Variants in FAAH2 observed in about 807,000 individuals in gnomAD.
The protein encoded by FAAH2 is fatty acid amide hydrolase 2.
A neutral mutation model predicts 36.9 loss-of-function variants in FAAH2; 60 were observed. The observed-to-expected ratio is 1.63, with a 90% CI of 1.32 to 2.02. FAAH2 has a LOEUF of 2.02. FAAH2 is among the 30% of genes most tolerant of loss of function. The pLI, the probability that FAAH2 is intolerant of heterozygous loss-of-function variation, is 0.00. For synonymous variants in FAAH2, 214 were observed against 143.8 expected, an observed-to-expected ratio of 1.49 and a Z score of -3.49; for missense variants, 689 against 397.5, an observed-to-expected ratio of 1.73 and a Z score of -6.23.
chrX:57,307,185 A>G (rs111933911), intron 2 of FAAH2, among the ~76,000 whole-genome samples: 2,971 of 104,186 alleles, frequency 0.029, 95 homozygotes, highest in African/African-American at 0.097. Flanking sequence ...TCATCTTTCT[A>G]TTCTCTCTGT....
At chrX:57,202,470 T>A in the FAAH2 span, among the ~76,000 whole-genome samples, 1 of 111,766 alleles carries the variant, frequency 8.9e-6, no homozygotes, top group Admixed American at 9.5e-5. Flanking sequence ...TCTCTTTCTT[T>A]ACTTTCTCCT....
chrX:57,201,414 T>A, the FAAH2 span, among the ~76,000 whole-genome samples: 6 of 106,644 alleles, frequency 5.6e-5, no homozygotes, highest in South Asian at 3.9e-4. Context: ...CCTTTAGCTC[T>A]GTTACTTTTT....
At chrX:57,123,401 A>C in the FAAH2 span, among the ~76,000 whole-genome samples, 3 of 112,090 alleles carry the variant, frequency 2.7e-5, no homozygotes, top group South Asian at 3.7e-4. Context: ...CCAGTCTATC[A>C]TTGTTGGACA....
At chrX:57,476,313 G>C (rs1007366731) in intron 10 of FAAH2, among the ~76,000 whole-genome samples, 2 of 110,962 alleles carry the variant, frequency 1.8e-5, no homozygotes, top group Non-Finnish European at 3.8e-5. Flanking sequence ...TACCCATTCA[G>C]TATGATATCG....
intron 5 of FAAH2, among the ~76,000 whole-genome samples, chrX:57,374,086 A>G (rs1400047935): frequency 8.9e-6 from 1 of 111,746 alleles, no homozygotes; most frequent in Non-Finnish European, 1.9e-5. Context: ...GCCCATTTTT[A>G]CAGCAGTATC....
the FAAH2 span, among the ~76,000 whole-genome samples, chrX:57,160,277 A>T: frequency 2.7e-5 from 3 of 111,833 alleles, no homozygotes; most frequent in African/African-American, 9.8e-5. Context: ...AATGTTCATT[A>T]GGGATATTGT....
At position 57,393,857 on chromosome X, in the gene FAAH2, C is replaced by T. The variant is rs1668119635; in HGVS notation, c.996+12828C>T. The stretch of plus-strand genomic sequence containing the variant: ...ATCATTGGTATTCAACACTCTTTGC[C>T]AAGCTATGGTTTCTGGATCAATGTC... On this transcript the variant is annotated intron_variant, in intron 7 of 10. Transcript: ENST00000374900. The T allele has an allele frequency of 3.1e-6, 3 of 978,482 alleles. No individual in the cohort carries two copies. In the African/African-American group the frequency reaches 5.7e-5, roughly 19 times the overall value. 80.6% of individuals were successfully genotyped at this position (978,482 alleles called of 1,213,427 possible). A position where few individuals can be genotyped will look rare whatever the true frequency, so the allele number is the denominator to read the frequency against.
chrX:57,381,058 T>A (rs1264316371), intron 7 of FAAH2, 29 bp downstream of exon 7: 1 of 1,048,210 alleles, frequency 9.5e-7, no homozygotes, highest in Non-Finnish European at 1.3e-6. Context: ...TGTTTAGGAA[T>A]TATTTTTAGT....
At chrX:57,473,640 C>T (rs904891054) in intron 10 of FAAH2, among the ~76,000 whole-genome samples, 7 of 111,225 alleles carry the variant, frequency 6.3e-5, no homozygotes, top group African/African-American at 9.8e-5. Context: ...TGATATGTTG[C>T]TATCAATCTA....
chrX:57,357,859 C>G lies in FAAH2; in HGVS notation c.742+16469C>G, dbSNP rs184607608. ...GGTATACACCCAAAGGATTATAAAT[C>G]ATTCTACTATAAAGACACATGTTCA... On this transcript the variant is annotated intron_variant, in intron 5 of 10. Coordinates refer to ENST00000374900, the MANE Select transcript of FAAH2 (RefSeq NM_174912.4). Among the ~76,000 whole-genome samples, 487 of 111,620 alleles carry G rather than the reference C, an allele frequency of 4.4e-3. 3 individuals carry two copies. The highest frequency in any genetic ancestry group is 0.019 in the Middle Eastern group (4 of 215).
the FAAH2 span, among the ~76,000 whole-genome samples, chrX:57,159,136 G>C: frequency 8.9e-6 from 1 of 112,048 alleles, no homozygotes; most frequent in African/African-American, 3.2e-5. Context: ...GTTTGTCAAA[G>C]ATCAGATAGT....
chrX:57,126,751 T>A, the FAAH2 span: 4 of 111,742 alleles, frequency 3.6e-5, no homozygotes, highest in African/African-American at 1.3e-4. Flanking sequence ...TGCAAGTGAT[T>A]GATTTGGCAC....
At chrX:57,149,570 G>C in the FAAH2 span, among the ~76,000 whole-genome samples, 11 of 111,478 alleles carry the variant, frequency 9.9e-5, no homozygotes, top group Non-Finnish European at 2.1e-4. Context: ...ATTCTCTGAT[G>C]GTAGTTTGTA....
At chrX:57,161,915 G>A in the FAAH2 span, among the ~76,000 whole-genome samples, 2 of 111,395 alleles carry the variant, frequency 1.8e-5, no homozygotes, top group Non-Finnish European at 3.8e-5. Flanking sequence ...GATGTTAGCT[G>A]GTTATTTTGC....
chrX:57,406,819 G>A (rs1344110967), intron 7 of FAAH2, among the ~76,000 whole-genome samples: 1 of 112,525 alleles, frequency 8.9e-6, no homozygotes, highest in African/African-American at 3.2e-5. Flanking sequence ...GAGCCCAGGT[G>A]GTGGGCACAC....
intron 10 of FAAH2, among the ~76,000 whole-genome samples, chrX:57,462,654 T>G (rs1043466386): frequency 8.9e-6 from 1 of 112,461 alleles, no homozygotes; most frequent in Non-Finnish European, 1.9e-5. Flanking sequence ...TGATGGAACA[T>G]ATTTCAAAAT....
the FAAH2 span, among the ~76,000 whole-genome samples, chrX:57,263,217 A>G: frequency 9.0e-6 from 1 of 111,386 alleles, no homozygotes; most frequent in African/African-American, 3.2e-5. Context: ...GTGTACAAAA[A>G]CCTCCTAGAA....
intron 3 of FAAH2, among the ~76,000 whole-genome samples, chrX:57,324,421 T>C (rs1212541654): frequency 8.9e-6 from 1 of 112,047 alleles, no homozygotes; most frequent in African/African-American, 3.2e-5. Context: ...ATCTATAAAT[T>C]ACCTTGGGCA....
intron 7 of FAAH2, among the ~76,000 whole-genome samples, chrX:57,419,276 C>A (rs766550021): frequency 9.0e-6 from 1 of 110,561 alleles, no homozygotes; most frequent in South Asian, 3.9e-4. Flanking sequence ...AGTTCTAGAT[C>A]CCTGAGGAAT....
Sources: allele counts gnomAD v4.1 joint callset (sites outside exome capture counted in the v4.1 genomes callset), GRCh38; gene constraint gnomAD v4.1.1; transcripts MANE v1.5; gene names NCBI Gene and HGNC (gene_info 2026-07-23, HGNC 2026-07-21).